Variants in DNM3 observed in about 807,000 individuals in gnomAD.
DNM3 encodes the protein dynamin-3.
A neutral mutation model predicts 101.6 loss-of-function variants in DNM3; 47 were observed. The observed-to-expected ratio is 0.46, with a 90% confidence interval of 0.37 to 0.59. The LOEUF is 0.59. Among genes scored for constraint, DNM3 ranks in the 20% least tolerant of loss-of-function variants. The probability of loss-of-function intolerance (pLI) is 0.00; values close to 1 mark genes in which losing one functional copy is unlikely to be tolerated. For synonymous variants in DNM3, 385 were observed against 387.9 expected, an observed-to-expected ratio of 0.99 and a Z score of 0.09; for missense variants, 849 against 1,085.7, an observed-to-expected ratio of 0.78 and a Z score of 3.06.
chr1:172,275,444 A>G (rs2063245444), intron 15 of DNM3, among the ~76,000 whole-genome samples: 1 of 152,012 alleles, frequency 6.6e-6, no homozygotes, highest in African/African-American at 2.4e-5. Context: ...CTGCTTCTTT[A>G]TAGTGCCTTC....
intron 15 of DNM3, among the ~76,000 whole-genome samples, chr1:172,291,070 C>T (rs981407273): frequency 7.9e-5 from 12 of 152,118 alleles, no homozygotes; most frequent in Admixed American, 3.9e-4. Context: ...ATCACATGAC[C>T]GTGAAAAGCG....
At chr1:172,154,919 A>T (rs2058280182) in intron 14 of DNM3, among the ~76,000 whole-genome samples, 3 of 152,116 alleles carry the variant, frequency 2.0e-5, no homozygotes, top group Admixed American at 2.0e-4. Context: ...ACCCCTTTTA[A>T]GGAGAGGAGA....
intron 12 of DNM3, among the ~76,000 whole-genome samples, chr1:172,085,539 G>A (rs2053470594): frequency 6.6e-6 from 1 of 152,124 alleles, no homozygotes; most frequent in Non-Finnish European, 1.5e-5. Context: ...TGCCGTTAGA[G>A]TGATATCTCT....
intron 3 of DNM3, 116 bp from the exon 4 acceptor site, chr1:171,988,829 G>T: frequency 1.2e-6 from 1 of 826,086 alleles, no homozygotes; most frequent in Non-Finnish European, 1.9e-6. Context: ...TACACACATG[G>T]GTTGGAGTTG....
intron 4 of DNM3, among the ~76,000 whole-genome samples, chr1:171,992,252 G>A (rs1196267377): frequency 1.3e-5 from 2 of 152,082 alleles, no homozygotes. Flanking sequence ...CATTTCTCAG[G>A]CTTTTCAGAA....
intron 20 of DNM3, among the ~76,000 whole-genome samples, chr1:172,406,414 T>C (rs1484165618): frequency 6.6e-6 from 1 of 151,924 alleles, no homozygotes; most frequent in Non-Finnish European, 1.5e-5. Context: ...GTTAAACATA[T>C]ATGGCCATTT....
At chr1:172,026,044 A>C (rs2048180053) in intron 4 of DNM3, among the ~76,000 whole-genome samples, 1 of 152,148 alleles carries the variant, frequency 6.6e-6, no homozygotes, top group African/African-American at 2.4e-5. Context: ...CAATACAAGG[A>C]AGCCAAGAAC....
chr1:172,305,880 C>G (rs1206962241), intron 15 of DNM3, among the ~76,000 whole-genome samples: 2 of 152,164 alleles, frequency 1.3e-5, no homozygotes, highest in African/African-American at 4.8e-5. Context: ...TGGAATGTAT[C>G]TCAAAATAAT....
chr1:172,001,747 A>G lies in DNM3; in HGVS notation c.589+12599A>G, dbSNP rs111759158. Among the ~76,000 whole-genome samples the G allele has an allele frequency of 9.7e-3, 1,480 of 152,158 alleles. 29 individuals are homozygous for G. The highest frequency in any genetic ancestry group is 0.034 in the African/African-American group (1,414 of 41,536). ...TGAGATGAAATTCGTGAATTGGGCC[A>G]GAATTAACTACTCAGCTGGTGGCAG... On this transcript the variant is annotated intron_variant, in intron 4 of 20. Coordinates refer to ENST00000627582, the MANE Select transcript of DNM3 (RefSeq NM_015569.5).
At chr1:171,984,097 T>C (rs2045047840) in intron 2 of DNM3, among the ~76,000 whole-genome samples, 2 of 152,192 alleles carry the variant, frequency 1.3e-5, no homozygotes, top group African/African-American at 2.4e-5. Context: ...GCTTTTTCTT[T>C]CAAAATACAT....
At chr1:172,316,138 A>G (rs1425851935) in intron 16 of DNM3, among the ~76,000 whole-genome samples, 1 of 152,164 alleles carries the variant, frequency 6.6e-6, no homozygotes, top group Non-Finnish European at 1.5e-5. Context: ...CAGCCAAACT[A>G]AGCTTCATAA....
chr1:172,262,800 G>A (rs149540768), intron 15 of DNM3, among the ~76,000 whole-genome samples: 98 of 152,168 alleles, frequency 6.4e-4, no homozygotes, highest in African/African-American at 2.3e-3. Flanking sequence ...ATTTTTCTTT[G>A]CTAGTGGATA....
At chr1:172,358,375 G>A (rs1205974365) in intron 17 of DNM3, among the ~76,000 whole-genome samples, 2 of 152,044 alleles carry the variant, frequency 1.3e-5, no homozygotes, top group Non-Finnish European at 2.9e-5. Context: ...AAACACCAGT[G>A]GGAAGAAAGA....
chr1:172,387,163 G>A lies in DNM3; in HGVS notation c.2089G>A (p.Ala697Thr). 1 of 1,613,856 alleles carries A rather than the reference G, an allele frequency of 6.2e-7. No homozygotes were observed. The highest frequency in any genetic ancestry group is 8.5e-7 in the Non-Finnish European group (1 of 1,179,848). Residue 697 changes from alanine to threonine, a missense_variant, in exon 19 of 21, where the codon GCA (alanine) becomes ACA (threonine). By Grantham distance (58) the Ala-to-Thr change is moderately conservative. Around this residue, in one of 5 missense-constraint regions of DNM3, gnomAD observed 256 missense variants for 311.7 expected, o/e 0.82. Transcript: ENST00000627582. ...AGATTTCATAAATTCCGAGCTCCTA[G>A]CACAGTTGTATTCTTCAGAGGACCA... ...VKDFINSELL[A>T]QLYSSEDQNT...
chr1:172,330,840 A>G (rs1231207819), intron 17 of DNM3, among the ~76,000 whole-genome samples: 1 of 152,194 alleles, frequency 6.6e-6, no homozygotes, highest in African/African-American at 2.4e-5. Flanking sequence ...TAACTTTTAT[A>G]TGAATGTCAA....
intron 1 of DNM3, among the ~76,000 whole-genome samples, chr1:171,887,723 T>G (rs2036903555): frequency 6.6e-6 from 1 of 152,184 alleles, no homozygotes; most frequent in African/African-American, 2.4e-5. Flanking sequence ...CTCTAAACAC[T>G]TTTGTGTAAC....
rs982447306 is a variant in DNM3 at position 172,277,476 on chromosome 1, G to A, written c.1769+23794G>A. ...CTTGGAGTCTGATCAAAGGCAGTGA[G>A]TGTAGGAGTCTCTGTAGACTAGTTC... On this transcript the variant is annotated intron_variant, in intron 15 of 20. Coordinates refer to ENST00000627582, the MANE Select transcript of DNM3 (RefSeq NM_015569.5). 7.9e-5 allele frequency among the ~76,000 whole-genome samples: 12 copies of A among 152,140 alleles called. No homozygotes were observed. In the South Asian group the frequency reaches 2.5e-3, roughly 32 times the overall value.
chr1:171,944,500 A>C (rs892878156), intron 2 of DNM3, among the ~76,000 whole-genome samples: 14 of 151,696 alleles, frequency 9.2e-5, no homozygotes, highest in Non-Finnish European at 2.9e-5. Flanking sequence ...TACCCGCTGC[A>C]GTGGCTGGGA....
At chr1:172,122,179 G>A (rs1192738047) in intron 13 of DNM3, among the ~76,000 whole-genome samples, 1 of 152,028 alleles carries the variant, frequency 6.6e-6, no homozygotes, top group Non-Finnish European at 1.5e-5. Context: ...AATGGAAGGA[G>A]GAAATAAATA....
Sources: allele counts gnomAD v4.1 joint callset (sites outside exome capture counted in the v4.1 genomes callset), GRCh38; gene constraint gnomAD v4.1.1; regional missense constraint gnomAD v4.1.1; transcripts MANE v1.5; gene names NCBI Gene and HGNC (gene_info 2026-07-23, HGNC 2026-07-21).